MPPED1: variants seen among roughly 807,000 people sequenced by gnomAD.
MPPED1 encodes the protein metallophosphoesterase domain containing 1.
In MPPED1, 16 loss-of-function variants were observed where a neutral mutation model predicts 36.2. That is an observed-to-expected ratio of 0.44 (90% CI 0.30 to 0.67). MPPED1 has a LOEUF of 0.67. Ranked by LOEUF, MPPED1 falls within the 30% of genes least tolerant of loss-of-function variation. The pLI is 0.10. For missense variants in MPPED1, 307 were observed against 453.4 expected (o/e 0.68, Z 2.93); for synonymous variants, 199 against 191.3 (o/e 1.04, Z -0.33).
At chr22:43,457,690 G>T (rs76937468) in intron 3 of MPPED1, among the ~76,000 whole-genome samples, 36 of 151,920 alleles carry the variant, frequency 2.4e-4, no homozygotes, top group African/African-American at 8.4e-4. Context: ...ATTAGTTGTT[G>T]CCCTGGGCAT....
At chr22:43,482,446 C>A (rs867551946) in intron 4 of MPPED1, among the ~76,000 whole-genome samples, 1 of 152,118 alleles carries the variant, frequency 6.6e-6, no homozygotes, top group Non-Finnish European at 1.5e-5. Context: ...GCCAGGATGC[C>A]CTTCACCTCT....
At chr22:43,479,136 G>T (rs1248373106) in intron 4 of MPPED1, among the ~76,000 whole-genome samples, 1 of 152,152 alleles carries the variant, frequency 6.6e-6, no homozygotes, top group Admixed American at 6.5e-5. Flanking sequence ...CTCCCCTGGC[G>T]CCGGCCACCC....
chr22:43,431,245 G>A (rs1208324765), intron 2 of MPPED1, among the ~76,000 whole-genome samples: 1 of 151,766 alleles, frequency 6.6e-6, no homozygotes, highest in African/African-American at 2.4e-5. Context: ...GTTTCACCAT[G>A]TTGGCCAGGC....
At chr22:43,482,697 G>A (rs545152319) in intron 4 of MPPED1, among the ~76,000 whole-genome samples, 5 of 152,326 alleles carry the variant, frequency 3.3e-5, no homozygotes, top group African/African-American at 9.6e-5. Context: ...GCTGCTCGAC[G>A]TTTATGACCG....
intron 3 of MPPED1, among the ~76,000 whole-genome samples, chr22:43,468,989 C>T (rs575214562): frequency 2.1e-4 from 32 of 152,248 alleles, no homozygotes; most frequent in African/African-American, 7.0e-4. Context: ...GTGCCCAGCC[C>T]GGGGGTGCTC....
At chr22:43,430,384 CACA>C (rs1274878566) in intron 2 of MPPED1, among the ~76,000 whole-genome samples, 12 of 152,204 alleles carry the variant, frequency 7.9e-5, no homozygotes, top group Non-Finnish European at 1.6e-4. Flanking sequence ...GTGAAGTTCT[CACA>C]ACATGACAAA....
intron 4 of MPPED1, among the ~76,000 whole-genome samples, chr22:43,490,508 G>A (rs904510479): frequency 3.9e-5 from 6 of 152,144 alleles, no homozygotes; most frequent in African/African-American, 1.4e-4. Context: ...GGGGAAGGTG[G>A]GACAGGCAGC....
intron 3 of MPPED1, among the ~76,000 whole-genome samples, chr22:43,446,530 T>C (rs1356312075): frequency 2.6e-5 from 4 of 151,782 alleles, no homozygotes; most frequent in South Asian, 4.2e-4. Flanking sequence ...CAACTCTGAG[T>C]TGGGGGTGTT....
intron 2 of MPPED1, among the ~76,000 whole-genome samples, chr22:43,426,892 A>C (rs1929496462): frequency 1.3e-5 from 2 of 151,986 alleles, no homozygotes; most frequent in Admixed American, 1.3e-4. Context: ...TTTGGGCAGG[A>C]AGGAAGGCCC....
chr22:43,502,579 G>A lies in MPPED1; in HGVS notation c.749-65G>A, dbSNP rs1932756934. Reference sequence around the variant, plus strand: ...CTCCAGGCTGCAGAAGCTGCTGCTAGGCGTGGGGCAGTGAGGGGCTGGGAC... The same window carrying A: ...CTCCAGGCTGCAGAAGCTGCTGCTAAGCGTGGGGCAGTGAGGGGCTGGGAC... On this transcript the variant is annotated intron_variant, in intron 5 of 6. Coordinates refer to ENST00000443721, the MANE Select transcript of MPPED1 (RefSeq NM_001044370.2). The surrounding 1 kb of genome is among the most constrained non-coding windows in gnomAD (Gnocchi z 5.5). 1.5e-6 allele frequency: 2 copies of A among 1,294,860 alleles called. No individual in the cohort carries two copies. The highest frequency in any genetic ancestry group is 2.2e-6 in the Non-Finnish European group (2 of 896,678). 80.2% of individuals were successfully genotyped at this position (1,294,860 alleles called of 1,614,324 possible). A position where few individuals can be genotyped will look rare whatever the true frequency, so the allele number is the denominator to read the frequency against.
rs1932796673 is a variant in MPPED1 at position 43,505,711 on chromosome 22, A to C, written c.*95A>C. On this transcript the variant is annotated 3_prime_UTR_variant, in exon 7 of 7. Transcript: ENST00000443721. Reference sequence around the variant, plus strand: ...CCATGCTGAGTTGCCTGGACGACCCATCTGGCTGCGGGGACTGGCCTAGCA... The same window carrying C: ...CCATGCTGAGTTGCCTGGACGACCCCTCTGGCTGCGGGGACTGGCCTAGCA... 3.3e-5 allele frequency: 38 copies of C among 1,152,642 alleles called. No individual in the cohort carries two copies. The Middle Eastern group carries it at 7.9e-4, about 24-fold the overall frequency. 71.4% of individuals were successfully genotyped at this position (1,152,642 alleles called of 1,614,324 possible). A position where few individuals can be genotyped will look rare whatever the true frequency, so the allele number is the denominator to read the frequency against.
chr22:43,444,813 G>A (rs1930278777), intron 3 of MPPED1, among the ~76,000 whole-genome samples: 2 of 152,174 alleles, frequency 1.3e-5, no homozygotes, highest in Middle Eastern at 3.4e-3. Context: ...TTAATTTTGT[G>A]TAGTTTGTTA....
intron 4 of MPPED1, among the ~76,000 whole-genome samples, chr22:43,491,102 GT>G: frequency 6.6e-6 from 1 of 152,292 alleles, no homozygotes; most frequent in South Asian, 2.1e-4. Context: ...GGGAGCTGAT[GT>G]TTTCTATTCT....
chr22:43,425,322 T>A lies in MPPED1; in HGVS notation c.224+113T>A, dbSNP rs1380964117. 15 of 1,433,900 alleles carry A rather than the reference T, an allele frequency of 1.0e-5. No individual in the cohort carries two copies. In the East Asian group the frequency reaches 3.0e-4, roughly 29 times the overall value. 88.8% of individuals were successfully genotyped at this position (1,433,900 alleles called of 1,614,324 possible). A position where few individuals can be genotyped will look rare whatever the true frequency, so the allele number is the denominator to read the frequency against. ...CACTGTAACAAGCATTGAATGTTTG[T>A]TGACTGCAACAATTCTGGAATTCTA... On this transcript the variant is annotated intron_variant, in intron 2 of 6. Coordinates refer to ENST00000443721, the MANE Select transcript of MPPED1 (RefSeq NM_001044370.2).
At chr22:43,431,020 AATT>A (rs1929660829) in intron 2 of MPPED1, among the ~76,000 whole-genome samples, 1 of 55,720 alleles carries the variant, frequency 1.8e-5, no homozygotes, top group Admixed American at 2.6e-4. Flanking sequence ...TGTTGTTGTT[AATT>A]TTTTTTTTTT....
chr22:43,465,652 G>A (rs1931142440), intron 3 of MPPED1, among the ~76,000 whole-genome samples: 1 of 152,218 alleles, frequency 6.6e-6, no homozygotes, highest in Non-Finnish European at 1.5e-5. Flanking sequence ...CCATCATCCT[G>A]CTAGGGTTGA....
At chr22:43,431,360 A>T (rs1434442386) in intron 2 of MPPED1, among the ~76,000 whole-genome samples, 1 of 150,730 alleles carries the variant, frequency 6.6e-6, no homozygotes, top group Non-Finnish European at 1.5e-5. Flanking sequence ...CCATATTTTG[A>T]CTCTTTTTGC....
chr22:43,475,042 T>A, intron 4 of MPPED1, 81 bp downstream of exon 4: 1 of 1,300,996 alleles, frequency 7.7e-7, no homozygotes, highest in Non-Finnish European at 1.1e-6. Flanking sequence ...GGGATGGGAG[T>A]AGCAGCAGGG....
At chr22:43,456,828 G>T (rs949002795) in intron 3 of MPPED1, among the ~76,000 whole-genome samples, 1 of 152,158 alleles carries the variant, frequency 6.6e-6, no homozygotes, top group East Asian at 1.9e-4. Context: ...TCATGAAAGG[G>T]TGTTTTATTT....
Sources: gnomAD v4.1 joint callset for allele counts (sites outside exome capture counted in the v4.1 genomes callset) on GRCh38, gnomAD v4.1.1 for gene constraint, Gnocchi (gnomAD v3.1) non-coding constraint, MANE v1.5 for transcripts, NCBI Gene and HGNC (gene_info 2026-07-23, HGNC 2026-07-21) for gene names.